The following LRP1B variants were observed in gnomAD, a reference collection of about 807,000 sequenced individuals.
LRP1B encodes LDL receptor related protein 1B, also known as low-density lipoprotein receptor-related protein 1B.
Under a neutral mutation model 556.6 loss-of-function variants are expected in LRP1B, and 217 were observed. The ratio of observed to expected loss-of-function variants is 0.39; its 90% CI spans 0.35 to 0.44. The LOEUF (loss-of-function observed/expected upper bound fraction) is 0.44, where lower values mean the gene tolerates loss of function less well. LRP1B is among the 20% of genes least tolerant of loss of function. The probability of loss-of-function intolerance (pLI) is 1.00; values close to 1 mark genes in which losing one functional copy is unlikely to be tolerated. For synonymous variants in LRP1B, 2,047 were observed against 1,865.8 expected (o/e 1.10, Z -2.50); for missense variants, 5,053 against 5,620.8 (o/e 0.90, Z 3.23).
intron 3 of LRP1B, among the ~76,000 whole-genome samples, chr2:141,463,615 T>TA (rs1243189017): frequency 1.6e-4 from 16 of 97,282 alleles, no homozygotes; most frequent in Admixed American, 7.7e-4. Context: ...TTATATATAA[T>TA]TATGTATTAT....
intron 3 of LRP1B, among the ~76,000 whole-genome samples, chr2:141,306,008 A>G (rs1225825301): frequency 6.6e-6 from 1 of 152,090 alleles, no homozygotes; most frequent in Admixed American, 6.6e-5. Context: ...TAGTAGAGGA[A>G]TTTTGTGTCT....
chr2:141,500,798 A>C (rs1683686362), intron 2 of LRP1B, among the ~76,000 whole-genome samples: 1 of 152,082 alleles, frequency 6.6e-6, no homozygotes, highest in African/African-American at 2.4e-5. Context: ...TTTACAGATA[A>C]ATTCTAGCAA....
chr2:141,297,103 CTGT>C lies in LRP1B; in HGVS notation c.344-42465_344-42463del, dbSNP rs747000196. Among the ~76,000 whole-genome samples, 11 of 152,250 alleles carry C rather than the reference CTGT, an allele frequency of 7.2e-5. No homozygotes were observed. The South Asian group carries it at 1.5e-3, about 20-fold the overall frequency. ...GTACCATATTTTCTTATGCAGTCCA[CTGT>C]TGTTGGGCACCTAGGTTGATTCCAT... is the stretch of plus-strand genomic sequence containing the variant. On this transcript the variant is annotated intron_variant, in intron 3 of 90. Transcript: ENST00000389484.
intron 3 of LRP1B, among the ~76,000 whole-genome samples, chr2:141,336,019 G>A (rs1402477): frequency 0.58 from 87,510 of 150,122 alleles, 26,279 homozygotes; most frequent in African/African-American, 0.68. Flanking sequence ...TAGGCTCGAT[G>A]TTATCTCAGA....
intron 84 of LRP1B, among the ~76,000 whole-genome samples, chr2:140,284,776 GATGATAGATAA>G (rs1683061046): frequency 7.6e-6 from 1 of 131,726 alleles, no homozygotes; most frequent in Non-Finnish European, 1.6e-5. Flanking sequence ...TGAAAAGTTA[GATGATAGATAA>G]ATAGAGGGAT....
At chr2:141,859,885 A>G (rs1178728105) in intron 1 of LRP1B, among the ~76,000 whole-genome samples, 1 of 152,184 alleles carries the variant, frequency 6.6e-6, no homozygotes, top group East Asian at 1.9e-4. Context: ...TCTTGCTTGC[A>G]ATGTGCACTA....
rs1682671940 is a variant in LRP1B at position 140,601,531 on chromosome 2, G to C, written c.6908C>G (p.Pro2303Arg). 5.0e-6 allele frequency: 8 copies of C among 1,613,150 alleles called. No individual in the cohort carries two copies. In the African/African-American group the frequency reaches 8.0e-5, roughly 16 times the overall value. Reference sequence around the variant, plus strand: ...GACAGCTTCCCTGTCAAATGCTCCAGGCCGAGTCTGGTCCACAGTGTGTCT... The same window carrying C: ...GACAGCTTCCCTGTCAAATGCTCCACGCCGAGTCTGGTCCACAGTGTGTCT... ...ITRHTVDQTR[P>R]GAFDREAVIT... Residue 2303 changes from proline to arginine, a missense_variant, in exon 42 of 91, where the codon CCT becomes CGT. Physicochemically the swap from Pro to Arg is moderately radical, Grantham distance 103. Transcript: ENST00000389484.
intron 6 of LRP1B, among the ~76,000 whole-genome samples, chr2:141,215,795 T>C (rs1446768613): frequency 6.6e-6 from 1 of 152,186 alleles, no homozygotes. Context: ...TCCTGGCTGC[T>C]TCTGACAACC....
intron 7 of LRP1B, among the ~76,000 whole-genome samples, chr2:141,114,290 C>G (rs920431563): frequency 6.6e-6 from 1 of 152,142 alleles, no homozygotes; most frequent in Admixed American, 6.5e-5. Context: ...ATCAGCTTAG[C>G]GAAAAGTCAG....
At position 141,058,979 on chromosome 2, in the gene LRP1B, T is replaced by G. The variant is rs778872152; in HGVS notation, c.1312A>C (p.Arg438=). Residue 438 remains arginine (R), a synonymous_variant, in exon 9 of 91, where the codon AGG becomes CGG. Coordinates refer to ENST00000389484, the MANE Select transcript of LRP1B (RefSeq NM_018557.3). ...TCAGTCCCATTAAATCGGTTTATCC[T>G]TACGATATTGTAGTTATCAGAATTG... ...ATNSDNYNIV[R]INRFNGTDIH... 1.3e-6 allele frequency: 2 copies of G among 1,597,254 alleles called. No individual in the cohort carries two copies. The highest frequency in any genetic ancestry group is 2.3e-5 in the South Asian group (2 of 87,844).
chr2:140,501,781 C>T lies in LRP1B; in HGVS notation c.8756G>A (p.Gly2919Asp), dbSNP rs2104891301. 3 of 1,612,952 alleles carry T rather than the reference C, an allele frequency of 1.9e-6. No individual in the cohort carries two copies. The highest frequency in any genetic ancestry group is 2.5e-6 in the Non-Finnish European group (3 of 1,179,270). The change falls in exon 55 of 91, where the codon GGT becomes GAT. Residue 2919 changes from glycine (G) to aspartate (D), a missense_variant. Physicochemically the swap from Gly to Asp is moderately conservative, Grantham distance 94. This residue lies in a region of LRP1B where 3,619 missense variants were observed against 3,931.9 expected (regional missense o/e 0.92). Coordinates refer to ENST00000389484, the MANE Select transcript of LRP1B (RefSeq NM_018557.3). ...TATATGGCAGTTTCTCTCATCTGAACCATCGCCACAGTCATCCTTATTGTC... is the reference window on the plus strand; with the variant it reads ...TATATGGCAGTTTCTCTCATCTGAATCATCGCCACAGTCATCCTTATTGTC... ...LCDNKDDCGD[G>D]SDERNCHINE...
At chr2:142,115,527 A>ATATATATTATATATAT (rs1198114591) in intron 1 of LRP1B, among the ~76,000 whole-genome samples, 2,185 of 54,920 alleles carry the variant, frequency 0.04, 539 homozygotes, top group Non-Finnish European at 0.055. Flanking sequence ...CATATATAAT[A>ATATATATTATATATAT]TATATATTAC....
chr2:141,252,115 T>C (rs1425273030), intron 4 of LRP1B, among the ~76,000 whole-genome samples: 3 of 151,894 alleles, frequency 2.0e-5, no homozygotes, highest in Non-Finnish European at 2.9e-5. Flanking sequence ...ACACTTAAGC[T>C]TCAGTCACCC....
chr2:141,080,680 C>A (rs932549239), intron 7 of LRP1B, among the ~76,000 whole-genome samples: 1 of 152,154 alleles, frequency 6.6e-6, no homozygotes, highest in Non-Finnish European at 1.5e-5. Flanking sequence ...TCAGATTGAC[C>A]TGCGTTTTAA....
chr2:140,394,979 G>A (rs1001270126), intron 66 of LRP1B, among the ~76,000 whole-genome samples: 1 of 152,214 alleles, frequency 6.6e-6, no homozygotes, highest in Non-Finnish European at 1.5e-5. Context: ...ATGACTATAC[G>A]TGAATACTTG....
chr2:140,847,405 A>C (rs1480979698), intron 29 of LRP1B, among the ~76,000 whole-genome samples: 1 of 152,178 alleles, frequency 6.6e-6, no homozygotes, highest in Non-Finnish European at 1.5e-5. Context: ...GCTTGTACAG[A>C]TACATCCCTC....
intron 1 of LRP1B, among the ~76,000 whole-genome samples, chr2:141,829,193 G>A (rs960901829): frequency 6.6e-6 from 1 of 151,996 alleles, no homozygotes; most frequent in Non-Finnish European, 1.5e-5. Context: ...AAGACAGTTT[G>A]AACACTTCTG....
Position 140,297,936 on chromosome 2 carries a change from G to A in LRP1B, c.12839C>T (p.Thr4280Ile), listed in dbSNP as rs962872953. ...RPTCSCALGF[T>I]GPNCGKTVCE... The stretch of plus-strand genomic sequence containing the variant: ...GACTGTCTTACCACAGTTTGGCCCA[G>A]TGAAACCCAGTGCACAGCTGCAGGT... The change falls in exon 84 of 91, where the codon ACT becomes ATT. Residue 4280 changes from threonine to isoleucine, a missense_variant. Thr to Ile is a moderately conservative substitution (Grantham distance 89). Transcript: ENST00000389484. 1.2e-6 allele frequency: 2 copies of A among 1,613,220 alleles called. No homozygotes were observed. The highest frequency in any genetic ancestry group is 3.3e-4 in the Middle Eastern group (2 of 6,056).
intron 1 of LRP1B, among the ~76,000 whole-genome samples, chr2:141,864,589 C>T (rs1698346479): frequency 6.7e-6 from 1 of 149,256 alleles, no homozygotes; most frequent in African/African-American, 2.4e-5. Context: ...ACTTATGAAA[C>T]TGGAGGAATG....
Sources: gnomAD v4.1 joint callset for allele counts (sites outside exome capture counted in the v4.1 genomes callset) on GRCh38, gnomAD v4.1.1 for gene constraint, gnomAD v4.1.1 regional missense constraint, MANE v1.5 for transcripts, NCBI Gene and HGNC (gene_info 2026-07-23, HGNC 2026-07-21) for gene names.